Variants in MAP3K21 observed in about 807,000 individuals in gnomAD.
MAP3K21 encodes mitogen-activated protein kinase kinase kinase MLK4.
A neutral mutation model predicts 86.1 loss-of-function variants in MAP3K21; 63 were observed. The observed-to-expected ratio is 0.73, with a 90% confidence interval of 0.60 to 0.90. The LOEUF is 0.90. Among genes scored for constraint, MAP3K21 ranks in the 40% least tolerant of loss-of-function variants. MAP3K21 has a pLI of 0.00. For missense variants in MAP3K21, 1,220 were observed against 1,367.7 expected, an observed-to-expected ratio of 0.89 and a Z score of 1.70; for synonymous variants, 558 against 564.8, an observed-to-expected ratio of 0.99 and a Z score of 0.17.
Position 233,362,102 on chromosome 1 carries a change from A to C in MAP3K21, c.1361A>C (p.Lys454Thr). 6.2e-7 allele frequency: 1 copy of C among 1,613,774 alleles called. No individual in the cohort carries two copies. The highest frequency in any genetic ancestry group is 8.5e-7 in the Non-Finnish European group (1 of 1,179,852). ...EELTRAALQQ[K>T]SQEELLKRRE... ...CTGACTCGGGCGGCTCTGCAGCAGA[A>C]GTCTCAGGAGGAGCTGCTAAAGCGG... The change falls in exon 5 of 10, where the codon AAG (lysine) becomes ACG (threonine). Residue 454 changes from lysine (K) to threonine (T), a missense_variant. Around this residue, in one of 5 missense-constraint regions of MAP3K21, gnomAD observed 126 missense variants for 127.7 expected, o/e 0.99. Coordinates refer to ENST00000366624, the MANE Select transcript of MAP3K21 (RefSeq NM_032435.3).
chr1:233,330,070 C>T (rs980804874), intron 1 of MAP3K21, among the ~76,000 whole-genome samples: 6 of 152,196 alleles, frequency 3.9e-5, no homozygotes, highest in African/African-American at 1.4e-4. Context: ...TCCTGTGAAA[C>T]CTGCTAGGAC....
At chr1:233,374,325 G>A (rs901506829) in intron 6 of MAP3K21, among the ~76,000 whole-genome samples, 9 of 151,946 alleles carry the variant, frequency 5.9e-5, no homozygotes, top group East Asian at 1.9e-4. Flanking sequence ...ACAGGTGCCC[G>A]CCACCACGCC....
At position 233,379,582 on chromosome 1, in the gene MAP3K21, G is replaced by T. The variant is rs1663873445; in HGVS notation, c.2576G>T (p.Cys859Phe). 3 of 1,614,066 alleles carry T rather than the reference G, an allele frequency of 1.9e-6. No homozygotes were observed. The highest frequency in any genetic ancestry group is 2.5e-6 in the Non-Finnish European group (3 of 1,180,028). Reference sequence around the variant, plus strand: ...CTCATGCCAAGACTTGACACTGATTGTAGTGTATCAAGAAACTTGCCGTCT... The same window carrying T: ...CTCATGCCAAGACTTGACACTGATTTTAGTGTATCAAGAAACTTGCCGTCT... ...PALMPRLDTD[C>F]SVSRNLPSSF... Residue 859 changes from cysteine to phenylalanine, a missense_variant, in exon 9 of 10, where the codon TGT (cysteine) becomes TTT (phenylalanine). Cys to Phe is a radical substitution (Grantham distance 205). Around this residue, in one of 5 missense-constraint regions of MAP3K21, gnomAD observed 632 missense variants for 691.3 expected, o/e 0.91. Transcript: ENST00000366624.
At chr1:233,366,892 AG>A (rs1663586983) in intron 5 of MAP3K21, among the ~76,000 whole-genome samples, 1 of 152,216 alleles carries the variant, frequency 6.6e-6, no homozygotes, top group Non-Finnish European at 1.5e-5. Context: ...CTACCAAATA[AG>A]GAAGATTAAT....
At chr1:233,372,316 C>A in intron 6 of MAP3K21, 156 bp downstream of exon 6, 2 of 813,524 alleles carry the variant, frequency 2.5e-6, no homozygotes, top group Non-Finnish European at 3.6e-6. Context: ...AAAACTTGAG[C>A]ATAGGTTCCT....
chr1:233,367,453 G>A (rs1416230798), intron 5 of MAP3K21, among the ~76,000 whole-genome samples: 2 of 152,192 alleles, frequency 1.3e-5, no homozygotes, highest in Non-Finnish European at 2.9e-5. Flanking sequence ...TGAGTACAAA[G>A]AAAATCTGAG....
chr1:233,355,077 A>C, intron 4 of MAP3K21, 66 bp downstream of exon 4: 1 of 1,182,292 alleles, frequency 8.5e-7, no homozygotes, highest in Non-Finnish European at 1.2e-6. Context: ...ATATGAGGCA[A>C]GAAGCACTGT....
intron 1 of MAP3K21, among the ~76,000 whole-genome samples, chr1:233,338,162 A>G (rs1317945629): frequency 1.3e-5 from 2 of 152,230 alleles, no homozygotes; most frequent in East Asian, 1.9e-4. Context: ...CTACATGTCC[A>G]TGTAAAGGCT....
chr1:233,335,703 A>G (rs1033079631), intron 1 of MAP3K21, among the ~76,000 whole-genome samples: 1 of 152,198 alleles, frequency 6.6e-6, no homozygotes, highest in Non-Finnish European at 1.5e-5. Context: ...CAGGACTCCC[A>G]AAGAGCTTTG....
rs1046990875 is a variant in MAP3K21 at position 233,328,123 on chromosome 1, C to G, written c.95C>G (p.Ser32Trp). The change falls in exon 1 of 10, where the codon TCG (serine) becomes TGG (tryptophan). Residue 32 changes from serine to tryptophan, a missense_variant. By Grantham distance (177) the Ser-to-Trp change is radical (BLOSUM62 -3). This residue lies in a region of MAP3K21 where 369 missense variants were observed against 385.3 expected (regional missense o/e 0.96). Transcript: ENST00000366624. The surrounding 1 kb of genome is among the most constrained non-coding windows in gnomAD (Gnocchi z 8.7). Reference sequence around the variant, plus strand: ...TCAGCGTCCTCGTCGTCCACCTCCTCGGGCGGCTCGGCCTCGGCGGGCGCG... The same window carrying G: ...TCAGCGTCCTCGTCGTCCACCTCCTGGGGCGGCTCGGCCTCGGCGGGCGCG... The part of the protein sequence containing the change: ...GGSASSSSTS[S>W]GGSASAGAGL... 7 of 1,408,808 alleles carry G rather than the reference C, an allele frequency of 5.0e-6. No homozygotes were observed. The highest frequency in any genetic ancestry group is 6.4e-6 in the Non-Finnish European group (7 of 1,086,736). 87.3% of individuals were successfully genotyped at this position (1,408,808 alleles called of 1,614,324 possible).
intron 1 of MAP3K21, among the ~76,000 whole-genome samples, chr1:233,337,690 G>A (rs1662943752): frequency 6.6e-6 from 1 of 152,204 alleles, no homozygotes; most frequent in Admixed American, 6.5e-5. Context: ...CTGCAGGTGT[G>A]CTGAGATCTG....
At chr1:233,339,261 CTTCTTCCTCTTCT>C (rs1662976556) in intron 1 of MAP3K21, among the ~76,000 whole-genome samples, 2 of 43,118 alleles carry the variant, frequency 4.6e-5, no homozygotes, top group African/African-American at 9.0e-5. Context: ...TCTTCTTCTT[CTTCTTCCTCTTCT>C]TCTTCTTCTT....
chr1:233,381,931 G>A (rs773679524), intron 9 of MAP3K21, among the ~76,000 whole-genome samples: 41 of 152,238 alleles, frequency 2.7e-4, no homozygotes, highest in African/African-American at 8.7e-4. Flanking sequence ...GAAAGCTACC[G>A]TTATAATATC....
At chr1:233,339,915 A>G (rs1308148448) in intron 1 of MAP3K21, among the ~76,000 whole-genome samples, 1 of 152,186 alleles carries the variant, frequency 6.6e-6, no homozygotes, top group African/African-American at 2.4e-5. Flanking sequence ...CTTCATATTC[A>G]TTCTTCCCTA....
At position 233,327,762 on chromosome 1, in the gene MAP3K21, C is replaced by A. The variant is rs1436167169; in HGVS notation, c.-267C>A. Reference sequence around the variant, plus strand: ...GCTAAGGAGCGCGCGGCGGGCGGGCCGGCCGCAGGGCCTGGGCACGACCAT... The same window carrying A: ...GCTAAGGAGCGCGCGGCGGGCGGGCAGGCCGCAGGGCCTGGGCACGACCAT... On this transcript the variant is annotated 5_prime_UTR_variant, in exon 1 of 10. Coordinates refer to ENST00000366624, the MANE Select transcript of MAP3K21 (RefSeq NM_032435.3). 7 of 276,816 alleles carry A rather than the reference C, an allele frequency of 2.5e-5. No homozygotes were observed. Among genetic ancestry groups the A allele is most frequent in the South Asian group, 1.7e-4 (1 of 6,006 alleles). 17.1% of individuals were successfully genotyped at this position (276,816 alleles called of 1,614,324 possible). A position where few individuals can be genotyped will look rare whatever the true frequency, so the allele number is the denominator to read the frequency against.
At chr1:233,356,362 A>G (rs1663357092) in intron 4 of MAP3K21, among the ~76,000 whole-genome samples, 1 of 152,228 alleles carries the variant, frequency 6.6e-6, no homozygotes, top group African/African-American at 2.4e-5. Flanking sequence ...GACTCAGCAC[A>G]TGGCAGGCAT....
intron 5 of MAP3K21, among the ~76,000 whole-genome samples, chr1:233,367,330 C>T (rs1235401974): frequency 6.6e-6 from 1 of 152,146 alleles, no homozygotes; most frequent in Admixed American, 6.5e-5. Flanking sequence ...AGGCAATTAG[C>T]TTTGTTAGTG....
intron 6 of MAP3K21, among the ~76,000 whole-genome samples, chr1:233,375,069 G>A (rs1663764775): frequency 6.6e-6 from 1 of 151,798 alleles, no homozygotes; most frequent in Admixed American, 6.6e-5. Flanking sequence ...AGCCTCCTGA[G>A]TAGCTGGGAT....
At chr1:233,339,018 C>G (rs966766547) in intron 1 of MAP3K21, among the ~76,000 whole-genome samples, 2 of 152,084 alleles carry the variant, frequency 1.3e-5, no homozygotes, top group Non-Finnish European at 2.9e-5. Flanking sequence ...AGTCTCCAGT[C>G]TTTAGAGGTC....
Sources: allele counts gnomAD v4.1 joint callset (sites outside exome capture counted in the v4.1 genomes callset), GRCh38; gene constraint gnomAD v4.1.1; regional missense constraint gnomAD v4.1.1; non-coding constraint Gnocchi (gnomAD v3.1); transcripts MANE v1.5; gene names NCBI Gene and HGNC (gene_info 2026-07-23, HGNC 2026-07-21).